Variants in MUC5AC observed in about 807,000 individuals in gnomAD.
MUC5AC encodes the protein mucin-5AC.
A neutral mutation model predicts 169.7 loss-of-function variants in MUC5AC; 158 were observed. That is an observed-to-expected ratio of 0.93 (90% CI 0.82 to 1.06). The LOEUF (loss-of-function observed/expected upper bound fraction) is 1.06. Ranked by LOEUF, MUC5AC falls within the 50% of genes least tolerant of loss-of-function variation. The pLI, the probability that MUC5AC is intolerant of heterozygous loss-of-function variation, is 0.00. For missense variants in MUC5AC, 4,359 were observed against 3,089.9 expected (o/e 1.41, Z -9.74); for synonymous variants, 1,975 against 1,237.0 (o/e 1.60, Z -12.52).
In MUC5AC at chr11:1,174,601, G is replaced by A. The variant is rs932593094; in HGVS notation, c.2071G>A (p.Gly691Ser). Residue 691 changes from glycine (G) to serine (S), a missense_variant, in exon 17 of 49, where the codon GGC becomes AGC. Physicochemically the swap from Gly to Ser is moderately conservative, Grantham distance 56. Transcript: ENST00000621226. ...ACAAKGVQLG[G>S]WRDGVCTKPM... ...TGCCGCCAAGGGCGTGCAGCTCGGC[G>A]GCTGGAGGGACGGCGTCTGCAGTGA... The A allele has an allele frequency of 1.5e-5, 20 of 1,369,366 alleles. No homozygotes were observed. Among genetic ancestry groups the A allele is most frequent in the Admixed American group, 2.0e-5 (1 of 49,188 alleles). The allele number at this position is 1,369,366 out of a possible 1,614,324, so 84.8% of individuals were successfully genotyped here.
At chr11:1,161,635 A>G in intron 3 of MUC5AC, 49 bp downstream of exon 3, 1 of 1,570,084 alleles carries the variant, frequency 6.4e-7, no homozygotes, top group Non-Finnish European at 8.7e-7. Flanking sequence ...AGCTTTGCTG[A>G]GCTCCCCGCT....
chr11:1,162,276 C>G, intron 4 of MUC5AC, 108 bp downstream of exon 4: 3 of 1,469,362 alleles, frequency 2.0e-6, no homozygotes, highest in Non-Finnish European at 1.8e-6. Context: ...TCTCAGGAAG[C>G]CCCTGAGAGC....
At chr11:1,175,492 C>G (rs1259627344) in intron 19 of MUC5AC, among the ~76,000 whole-genome samples, 14 of 105,724 alleles carry the variant, frequency 1.3e-4, no homozygotes, top group Admixed American at 1.8e-4. Context: ...TGCACATGCT[C>G]ACACACCCAC....
chr11:1,158,722 C>T (rs1442334173), intron 1 of MUC5AC, among the ~76,000 whole-genome samples: 7 of 152,302 alleles, frequency 4.6e-5, no homozygotes, highest in East Asian at 1.9e-4. Context: ...TGACCATGTG[C>T]CCCCATGGGG....
intron 5 of MUC5AC, 149 bp downstream of exon 5, chr11:1,162,795 A>T (rs989271441): frequency 2.0e-6 from 2 of 995,034 alleles, no homozygotes; most frequent in Admixed American, 2.0e-5. Context: ...AGGTGCCCAG[A>T]CACCAATGGT....
chr11:1,197,648 T>G lies in MUC5AC; in HGVS notation c.16033+9T>G, dbSNP rs750953977. ...CCCCCAGTACAGCTGCGGTAAGCCC[T>G]TTGCTGGGTGAGGGGCATGGTGTGG... On this transcript the variant is annotated intron_variant, in intron 41 of 48. Transcript: ENST00000621226. 7.2e-6 allele frequency: 5 copies of G among 693,674 alleles called. No individual in the cohort carries two copies. In the East Asian group the frequency reaches 7.9e-5, roughly 11 times the overall value. The allele number at this position is 693,674 out of a possible 1,614,324, so 43.0% of individuals were successfully genotyped here.
Position 1,183,885 on chromosome 11 carries a change from A to G in MUC5AC, c.5740A>G (p.Ser1914Gly), listed in dbSNP as rs1469279633. 9.9e-6 allele frequency: 4 copies of G among 402,108 alleles called. No individual in the cohort carries two copies. Among genetic ancestry groups the G allele is most frequent in the African/African-American group, 2.2e-5 (1 of 45,892 alleles). 24.9% of individuals were successfully genotyped at this position (402,108 alleles called of 1,614,324 possible). A position where few individuals can be genotyped will look rare whatever the true frequency, so the allele number is the denominator to read the frequency against. ...TGTCAAAAAAACTTTCTCAACTCCC[A>G]GCCCTCCGCCAGTGCCGGCAACATC... ...TSVKKTFSTP[S>G]PPPVPATSTS... The change falls in exon 31 of 49, where the codon AGC (serine) becomes GGC (glycine). Residue 1914 changes from serine (S) to glycine (G), a missense_variant. By Grantham distance (56) the Ser-to-Gly change is moderately conservative. Transcript: ENST00000621226.
At position 1,164,328 on chromosome 11, in the gene MUC5AC, C is replaced by A. The variant is rs982422556; in HGVS notation, c.1003+9C>A. On this transcript the variant is annotated intron_variant, in intron 8 of 48. Coordinates refer to ENST00000621226, the MANE Select transcript of MUC5AC (RefSeq NM_001304359.2). ...GGGCCCTGACTTCTGCCGTGAGTGT[C>A]CCAGCCCCCTGTCCCCCAACCCCTT... 6.2e-7 allele frequency: 1 copy of A among 1,611,956 alleles called. No individual in the cohort carries two copies. Among genetic ancestry groups the A allele is most frequent in the African/African-American group, 1.3e-5 (1 of 75,038 alleles).
chr11:1,179,994 C>T, intron 26 of MUC5AC, 28 bp from the exon 27 acceptor site: 1 of 398,726 alleles, frequency 2.5e-6, no homozygotes, highest in Middle Eastern at 6.3e-4. Context: ...TCCTGGGACC[C>T]CACCGAGCCC....
At chr11:1,176,385 CT>C (rs1860690727) in intron 20 of MUC5AC, 128 bp from the exon 21 acceptor site, 5 of 398,730 alleles carry the variant, frequency 1.3e-5, no homozygotes, top group Middle Eastern at 1.3e-3. Context: ...CAGAGGACCC[CT>C]GCCCATGCGC....
Position 1,169,004 on chromosome 11 carries a change from C to A in MUC5AC, c.1848C>A (p.Pro616=). 2 of 1,600,000 alleles carry A rather than the reference C, an allele frequency of 1.3e-6. No individual in the cohort carries two copies. Among genetic ancestry groups the A allele is most frequent in the Non-Finnish European group, 1.7e-6 (2 of 1,172,566 alleles). The change falls in exon 15 of 49, where the codon CCC becomes CCA. Residue 616 remains proline, a synonymous_variant. Coordinates refer to ENST00000621226, the MANE Select transcript of MUC5AC (RefSeq NM_001304359.2). ...ACATCAGGAACAGCTTCGAGGACCCCTGCTCTCTGAGCGTGGAGAATGGTA... is the reference window on the plus strand; with the variant it reads ...ACATCAGGAACAGCTTCGAGGACCCATGCTCTCTGAGCGTGGAGAATGGTA... ...CPNIRNSFED[P]CSLSVENEKY...
Position 1,194,548 on chromosome 11 carries a change from G to A in MUC5AC, c.15068G>A (p.Arg5023His), listed in dbSNP as rs1315145883. 3.3e-5 allele frequency: 25 copies of A among 763,724 alleles called. No homozygotes were observed. The highest frequency in any genetic ancestry group is 9.4e-5 in the South Asian group (7 of 74,420). The allele number at this position is 763,724 out of a possible 1,614,324, so 47.3% of individuals were successfully genotyped here. A position where few individuals can be genotyped will look rare whatever the true frequency, so the allele number is the denominator to read the frequency against. Residue 5023 changes from arginine to histidine, a missense_variant, in exon 35 of 49, where the codon CGC (arginine) becomes CAC (histidine). Coordinates refer to ENST00000621226, the MANE Select transcript of MUC5AC (RefSeq NM_001304359.2). ...GFRKNGIVVS[R>H]IGVKMYATIP... Reference sequence around the variant, plus strand: ...CGGAAAAACGGCATCGTGGTCTCGCGCATCGGCGTCAAGATGTACGCGACC... The same window carrying A: ...CGGAAAAACGGCATCGTGGTCTCGCACATCGGCGTCAAGATGTACGCGACC...
Position 1,176,631 on chromosome 11 carries a change from G to A in MUC5AC, c.2620G>A (p.Ala874Thr), listed in dbSNP as rs922856313. ...PCVHNEASYR[A>T]GQTIRVGCNT... ...CGTGCACAATGAGGCCAGCTACCGG[G>A]CCGGCCAGACCATCCGGGTGGGCTG... Residue 874 changes from alanine to threonine, a missense_variant, in exon 21 of 49, where the codon GCC (alanine) becomes ACC (threonine). Ala to Thr is a moderately conservative substitution (Grantham distance 58). Coordinates refer to ENST00000621226, the MANE Select transcript of MUC5AC (RefSeq NM_001304359.2). The A allele has an allele frequency of 1.5e-3, 615 of 398,756 alleles. 2 individuals carry two copies. The highest frequency in any genetic ancestry group is 0.012 in the African/African-American group (568 of 48,766). The allele number at this position is 398,756 out of a possible 1,614,324, so 24.7% of individuals were successfully genotyped here.
At position 1,160,612 on chromosome 11, in the gene MUC5AC, G is replaced by A; in HGVS notation, c.74G>A (p.Gly25Asp). ...ALALACTRHT[G>D]HAQDGSSESS... is the part of the protein sequence containing the mutation. Reference sequence around the variant, plus strand: ...CTCAGCCCCCCTCCTCTTTCTGCAGGCCATGCCCAGGATGGCTCCTCCGAA... The same window carrying A: ...CTCAGCCCCCCTCCTCTTTCTGCAGACCATGCCCAGGATGGCTCCTCCGAA... Residue 25 changes from glycine to aspartate, a missense_variant and splice_region_variant, in exon 2 of 49, where the codon GGC becomes GAC. Gly to Asp is a moderately conservative substitution (Grantham distance 94). Transcript: ENST00000621226. 6.2e-7 allele frequency: 1 copy of A among 1,607,258 alleles called. No individual in the cohort carries two copies. Among genetic ancestry groups the A allele is most frequent in the Non-Finnish European group, 8.5e-7 (1 of 1,179,078 alleles).
At position 1,199,644 on chromosome 11, in the gene MUC5AC, G is replaced by C. The variant is rs879563347; in HGVS notation, c.16516-51G>C. 269 of 700,608 alleles carry C rather than the reference G, an allele frequency of 3.8e-4. 2 individuals are homozygous for C. The highest frequency in any genetic ancestry group is 6.6e-4 in the Non-Finnish European group (252 of 384,242). The allele number at this position is 700,608 out of a possible 1,614,324, so 43.4% of individuals were successfully genotyped here. Reference sequence around the variant, plus strand: ...CCCCATGTCCCCATCCCTCACTTCTGTGGGGGCCGCCGAGCGCCTCGGCAC... The same window carrying C: ...CCCCATGTCCCCATCCCTCACTTCTCTGGGGGCCGCCGAGCGCCTCGGCAC... On this transcript the variant is annotated intron_variant, in intron 46 of 48. Coordinates refer to ENST00000621226, the MANE Select transcript of MUC5AC (RefSeq NM_001304359.2).
intron 15 of MUC5AC, among the ~76,000 whole-genome samples, chr11:1,171,206 CAA>C (rs1860511748): frequency 1.6e-5 from 2 of 127,010 alleles, no homozygotes; most frequent in Admixed American, 1.5e-4. Flanking sequence ...CTCACTCACT[CAA>C]CTTACTCACT....
chr11:1,165,826 C>G, intron 11 of MUC5AC, 66 bp downstream of exon 11: 2 of 1,597,118 alleles, frequency 1.3e-6, no homozygotes, highest in South Asian at 2.2e-5. Context: ...CCCACAGGCT[C>G]CCCCAGCTTG....
At chr11:1,194,809 G>C (rs1022348667) in intron 35 of MUC5AC, 139 bp downstream of exon 35, 3 of 611,742 alleles carry the variant, frequency 4.9e-6, no homozygotes, top group African/African-American at 3.7e-5. Flanking sequence ...ACAGGCATGA[G>C]GCTTACGCCT....
chr11:1,175,159 T>TGG (rs1392462611), intron 18 of MUC5AC, 22 bp downstream of exon 18: 25 of 398,616 alleles, frequency 6.3e-5, no homozygotes, highest in South Asian at 5.1e-4. Context: ...CGCTGTGGAC[T>TGG]GGGGGGTCCC....
Sources: allele counts gnomAD v4.1 joint callset (sites outside exome capture counted in the v4.1 genomes callset), GRCh38; gene constraint gnomAD v4.1.1; transcripts MANE v1.5; gene names NCBI Gene and HGNC (gene_info 2026-07-23, HGNC 2026-07-21).